The following GTF2I variants were observed in gnomAD, a reference collection of about 807,000 sequenced individuals.
The protein encoded by GTF2I is general transcription factor II-I.
Under a neutral mutation model 67.6 loss-of-function variants are expected in GTF2I, and 12 were observed. The observed-to-expected ratio is 0.18, with a 90% CI of 0.11 to 0.29. The LOEUF is 0.29. Among genes scored for constraint, GTF2I ranks in the 10% least tolerant of loss-of-function variants. The pLI is 1.00. For missense variants in GTF2I, 271 were observed against 580.1 expected (o/e 0.47, Z 5.47); for synonymous variants, 149 against 197.0 (o/e 0.76, Z 2.04).
At chr7:74,708,112 C>T (rs2131381345) in intron 8 of GTF2I, among the ~76,000 whole-genome samples, 1 of 152,048 alleles carries the variant, frequency 6.6e-6, no homozygotes, top group South Asian at 2.1e-4. Context: ...CCGGCCTGGC[C>T]AACATGGTGA....
At chr7:74,731,526 G>GGTTTTTT (rs1794474598) in intron 14 of GTF2I, among the ~76,000 whole-genome samples, 2 of 137,190 alleles carry the variant, frequency 1.5e-5, no homozygotes, top group South Asian at 2.4e-4. Flanking sequence ...TTTTGCCCGT[G>GGTTTTTT]GTTTTTTGTT....
At position 74,669,045 on chromosome 7, in the gene GTF2I, G is replaced by A. The variant is rs587645156; in HGVS notation, c.-6+10977G>A. Reference sequence around the variant, plus strand: ...CCACCACGCCCGGCCCAAAAGAAGGGATCTTTTATCATGTCGGGAACAGTA... The same window carrying A: ...CCACCACGCCCGGCCCAAAAGAAGGAATCTTTTATCATGTCGGGAACAGTA... On this transcript the variant is annotated intron_variant, in intron 1 of 34. Coordinates refer to ENST00000573035, the MANE Select transcript of GTF2I (RefSeq NM_032999.4). Among the ~76,000 whole-genome samples, 3 of 151,790 alleles carry A rather than the reference G, an allele frequency of 2.0e-5. No individual in the cohort carries two copies. The Admixed American group carries it at 2.0e-4, about 10-fold the overall frequency.
chr7:74,735,772 A>C (rs1794822914), intron 17 of GTF2I, among the ~76,000 whole-genome samples: 1 of 57,766 alleles, frequency 1.7e-5, no homozygotes, highest in African/African-American at 7.0e-5. Flanking sequence ...GGGTTCAAGC[A>C]ATTCTCCTGC....
chr7:74,721,456 T>C (rs1792979722), intron 12 of GTF2I, among the ~76,000 whole-genome samples: 1 of 152,210 alleles, frequency 6.6e-6, no homozygotes, highest in Non-Finnish European at 1.5e-5. Context: ...ACCAGTGAAA[T>C]ACCAGGTCTG....
At chr7:74,716,354 T>C (rs181162400) in intron 10 of GTF2I, among the ~76,000 whole-genome samples, 2 of 152,292 alleles carry the variant, frequency 1.3e-5, no homozygotes, top group East Asian at 3.9e-4. Flanking sequence ...CTAAAGGTAG[T>C]ATCTTAAATT....
chr7:74,749,898 A>C (rs1795692333), intron 26 of GTF2I, among the ~76,000 whole-genome samples: 1 of 148,692 alleles, frequency 6.7e-6, no homozygotes, highest in South Asian at 2.1e-4. Context: ...CAAAAACAAA[A>C]AAAAAAAAAA....
intron 1 of GTF2I, among the ~76,000 whole-genome samples, chr7:74,668,851 T>C (rs1356279022): frequency 4.6e-5 from 7 of 152,006 alleles, no homozygotes. Context: ...AAATTACATA[T>C]GTGAGCCACC....
Position 74,735,656 on chromosome 7 carries a change from T to G in GTF2I, c.1435+124T>G, listed in dbSNP as rs1173288278. The G allele has an allele frequency of 1.5e-4, 68 of 463,114 alleles. 1 individual carries two copies. The highest frequency in any genetic ancestry group is 8.9e-4 in the Admixed American group (23 of 25,952). 28.7% of individuals were successfully genotyped at this position (463,114 alleles called of 1,614,324 possible). The stretch of plus-strand genomic sequence containing the variant: ...TAGGACTCAGCTTTAGTTTTCCCTG[T>G]TTTTTTTTTTTGGGTTTTTTTTTTT... On this transcript the variant is annotated intron_variant, in intron 17 of 34. Transcript: ENST00000573035.
intron 1 of GTF2I, among the ~76,000 whole-genome samples, chr7:74,664,955 T>C (rs1409872292): frequency 6.6e-6 from 1 of 152,056 alleles, no homozygotes; most frequent in Non-Finnish European, 1.5e-5. Flanking sequence ...TGTTTTTTTT[T>C]TTTGAGACAG....
At chr7:74,714,661 C>T (rs1486472687) in intron 9 of GTF2I, among the ~76,000 whole-genome samples, 196 bp from the exon 10 acceptor site, 1 of 151,870 alleles carries the variant, frequency 6.6e-6, no homozygotes, top group African/African-American at 2.4e-5. Context: ...TATGAATTCA[C>T]CTGATTACAT....
At chr7:74,724,370 G>T (rs1425070682) in intron 12 of GTF2I, among the ~76,000 whole-genome samples, 1 of 152,164 alleles carries the variant, frequency 6.6e-6, no homozygotes, top group Non-Finnish European at 1.5e-5. Flanking sequence ...TTATGTTGAA[G>T]CTAAGAGTAT....
chr7:74,664,346 T>G (rs1316565915), intron 1 of GTF2I, among the ~76,000 whole-genome samples: 3 of 152,188 alleles, frequency 2.0e-5, no homozygotes, highest in African/African-American at 7.2e-5. Context: ...CACTTTGGCC[T>G]ACTGAGAAAG....
intron 1 of GTF2I, among the ~76,000 whole-genome samples, chr7:74,673,881 G>A (rs1301539359): frequency 1.3e-5 from 2 of 151,424 alleles, no homozygotes; most frequent in African/African-American, 2.4e-5. Flanking sequence ...GGGTTTCACC[G>A]AGTTGGCCAG....
intron 1 of GTF2I, among the ~76,000 whole-genome samples, chr7:74,665,963 C>T (rs1431119683): frequency 6.6e-6 from 1 of 152,188 alleles, no homozygotes; most frequent in Non-Finnish European, 1.5e-5. Flanking sequence ...TCTTAGCTTC[C>T]CAAGTAGCTG....
chr7:74,683,787 A>C (rs1787456484), intron 1 of GTF2I, among the ~76,000 whole-genome samples: 1 of 152,058 alleles, frequency 6.6e-6, no homozygotes, highest in African/African-American at 2.4e-5. Flanking sequence ...CAGGAGCTGG[A>C]GATTTCAGTG....
At chr7:74,677,781 CAAA>C (rs67938540) in intron 1 of GTF2I, among the ~76,000 whole-genome samples, 1 of 72,164 alleles carries the variant, frequency 1.4e-5, no homozygotes, top group African/African-American at 6.1e-5. Flanking sequence ...GATTCTGTCT[CAAA>C]AAAAAAAAAA....
At chr7:74,710,972 C>T (rs1183901023) in intron 8 of GTF2I, 60 bp from the exon 9 acceptor site, 52 of 791,936 alleles carry the variant, frequency 6.6e-5, no homozygotes, top group Non-Finnish European at 1.0e-4. Context: ...AGAGGATTTC[C>T]CTACACAATC....
At chr7:74,702,347 C>T (rs1304234442) in intron 6 of GTF2I, among the ~76,000 whole-genome samples, 1 of 152,192 alleles carries the variant, frequency 6.6e-6, no homozygotes, top group Non-Finnish European at 1.5e-5. Context: ...CCTGCCTCAG[C>T]CTCCTGAGTA....
At chr7:74,732,290 C>T (rs587763912) in intron 14 of GTF2I, among the ~76,000 whole-genome samples, 189 bp from the exon 15 acceptor site, 3 of 151,868 alleles carry the variant, frequency 2.0e-5, no homozygotes, top group East Asian at 1.9e-4. Context: ...AGGAGAATGG[C>T]GTGAGCCCGG....
Sources: gnomAD v4.1 joint callset for allele counts (sites outside exome capture counted in the v4.1 genomes callset) on GRCh38, gnomAD v4.1.1 for gene constraint, MANE v1.5 for transcripts, NCBI Gene and HGNC (gene_info 2026-07-23, HGNC 2026-07-21) for gene names.